The following EFCAB14 variants were observed in gnomAD, a reference collection of about 807,000 sequenced individuals.
EFCAB14 encodes EF-hand calcium-binding domain-containing protein 14.
EFCAB14 carries 43 observed loss-of-function variants against 56.5 expected under a neutral mutation model. The observed-to-expected ratio is 0.76, with a 90% CI of 0.60 to 0.98. The LOEUF (loss-of-function observed/expected upper bound fraction) is 0.98, where lower values mean the gene tolerates loss of function less well. Ranked by LOEUF, EFCAB14 falls within the 50% of genes least tolerant of loss-of-function variation. EFCAB14 has a pLI of 0.00. For missense variants in EFCAB14, 538 were observed against 580.3 expected, an observed-to-expected ratio of 0.93 and a Z score of 0.75; for synonymous variants, 235 against 212.9, an observed-to-expected ratio of 1.10 and a Z score of -0.90.
intron 5 of EFCAB14, among the ~76,000 whole-genome samples, chr1:46,689,903 TACATTAGGGA>T (rs1676963477): frequency 6.6e-6 from 1 of 152,180 alleles, no homozygotes; most frequent in African/African-American, 2.4e-5. Flanking sequence ...GCACCAAGAT[TACATTAGGGA>T]ACTGAGATCC....
intron 3 of EFCAB14, among the ~76,000 whole-genome samples, chr1:46,704,756 C>A (rs1216791692): frequency 1.3e-5 from 2 of 152,132 alleles, no homozygotes; most frequent in Non-Finnish European, 1.5e-5. Flanking sequence ...AGGAAGGAGA[C>A]TCCCTATAAC....
intron 10 of EFCAB14, among the ~76,000 whole-genome samples, chr1:46,679,944 C>T (rs138139816): frequency 1.3e-5 from 2 of 152,204 alleles, no homozygotes; most frequent in African/African-American, 4.8e-5. Context: ...TACTATGTGA[C>T]ACTTGTCTCT....
chr1:46,691,404 A>C (rs1269069526), intron 5 of EFCAB14, among the ~76,000 whole-genome samples: 1 of 152,196 alleles, frequency 6.6e-6, no homozygotes, highest in Non-Finnish European at 1.5e-5. Flanking sequence ...CCACGAGCAC[A>C]TGTTTCAGCA....
intron 3 of EFCAB14, among the ~76,000 whole-genome samples, chr1:46,704,318 A>C (rs1268023033): frequency 6.6e-6 from 1 of 151,524 alleles, no homozygotes; most frequent in Non-Finnish European, 1.5e-5. Flanking sequence ...AAAGAGAAAG[A>C]AAAAAAATTA....
rs540203892 is a variant in EFCAB14, at chr1:46,696,305, A to G, written c.579+246T>C. ...GACTCAGAGAGCCAAATAAAAAGGT[A>G]TGAACCCATATAAATCACAGCTGAG... is the stretch of plus-strand genomic sequence containing the variant. On this transcript the variant is annotated intron_variant, in intron 4 of 10. Coordinates refer to ENST00000371933, the MANE Select transcript of EFCAB14 (RefSeq NM_014774.3). Among the ~76,000 whole-genome samples, 15 of 152,298 alleles carry G rather than the reference A, an allele frequency of 9.8e-5. No homozygotes were observed. In the South Asian group the frequency reaches 3.1e-3, roughly 32 times the overall value.
chr1:46,688,692 G>C, intron 6 of EFCAB14, 148 bp from the exon 7 acceptor site: 1 of 722,370 alleles, frequency 1.4e-6, no homozygotes, highest in East Asian at 2.7e-5. Context: ...TCTTTGCTTT[G>C]TCCCTCGCAC....
At chr1:46,683,960 C>T (rs1421168286) in intron 9 of EFCAB14, among the ~76,000 whole-genome samples, 1 of 152,106 alleles carries the variant, frequency 6.6e-6, no homozygotes, top group Admixed American at 6.5e-5. Context: ...GGGAAAAGGT[C>T]AAAGCTAACA....
chr1:46,717,259 T>C lies in EFCAB14; in HGVS notation c.185+644A>G, dbSNP rs1677411268. Among the ~76,000 whole-genome samples the C allele has an allele frequency of 2.0e-5, 3 of 152,212 alleles. No individual in the cohort carries two copies. The South Asian group carries it at 6.2e-4, about 31-fold the overall frequency. On this transcript the variant is annotated intron_variant, in intron 1 of 10. Transcript: ENST00000371933. ...TCTACATCCTCAGCAGAATCCTCTTTTCTTTTAGTGTGCTCTGAGAGAGTC... is the reference window on the plus strand; with the variant it reads ...TCTACATCCTCAGCAGAATCCTCTTCTCTTTTAGTGTGCTCTGAGAGAGTC...
chr1:46,692,085 C>T, intron 4 of EFCAB14, 148 bp from the exon 5 acceptor site: 1 of 560,098 alleles, frequency 1.8e-6, no homozygotes, highest in Non-Finnish European at 3.0e-6. Context: ...AATAAACACT[C>T]ATCACCTCTG....
intron 10 of EFCAB14, among the ~76,000 whole-genome samples, chr1:46,682,990 C>G (rs952789488): frequency 6.7e-6 from 1 of 149,554 alleles, no homozygotes; most frequent in Non-Finnish European, 1.5e-5. Context: ...CCACTGCACT[C>G]CAGCCTGGGG....
chr1:46,711,270 C>T (rs183333824), intron 2 of EFCAB14, among the ~76,000 whole-genome samples: 4 of 152,350 alleles, frequency 2.6e-5, no homozygotes, highest in East Asian at 1.9e-4. Context: ...ATTTCCTATA[C>T]ATTTTCAGTT....
chr1:46,714,989 C>A (rs552346146), intron 2 of EFCAB14, among the ~76,000 whole-genome samples: 1 of 152,144 alleles, frequency 6.6e-6, no homozygotes, highest in East Asian at 1.9e-4. Flanking sequence ...TGTTGTAAGC[C>A]CTTCACGAGT....
At chr1:46,684,632 A>G (rs1329085816) in intron 8 of EFCAB14, 30 bp from the exon 9 acceptor site, 2 of 1,576,996 alleles carry the variant, frequency 1.3e-6, no homozygotes, top group Non-Finnish European at 1.7e-6. Flanking sequence ...TAGAAGGTTT[A>G]AGGTGGTAGT....
At position 46,718,124 on chromosome 1, in the gene EFCAB14, G is replaced by A; in HGVS notation, c.-37C>T. 2.5e-6 allele frequency: 4 copies of A among 1,603,980 alleles called. No homozygotes were observed. Among genetic ancestry groups the A allele is most frequent in the Non-Finnish European group, 3.4e-6 (4 of 1,173,206 alleles). On this transcript the variant is annotated 5_prime_UTR_variant, in exon 1 of 11. Transcript: ENST00000371933. Reference sequence around the variant, plus strand: ...GGGTGAGTGGAGCCCCGACTCCTGAGCTGCCAGGTTCGTACCCGATGCCCA... The same window carrying A: ...GGGTGAGTGGAGCCCCGACTCCTGAACTGCCAGGTTCGTACCCGATGCCCA...
chr1:46,685,386 C>T (rs1676864021), intron 8 of EFCAB14, among the ~76,000 whole-genome samples: 1 of 152,168 alleles, frequency 6.6e-6, no homozygotes, highest in African/African-American at 2.4e-5. Flanking sequence ...CAACTCATTA[C>T]ACATTTATTT....
chr1:46,686,606 G>A lies in EFCAB14; in HGVS notation c.1074+178C>T. The A allele has an allele frequency of 6.1e-6, 4 of 655,200 alleles. No homozygotes were observed. The South Asian group carries it at 7.2e-5, about 12-fold the overall frequency. 40.6% of individuals were successfully genotyped at this position (655,200 alleles called of 1,614,324 possible). On this transcript the variant is annotated intron_variant, in intron 8 of 10. Transcript: ENST00000371933. ...CTCCTACTAAAGTGTTTGGCACAGGGTAGGTGCCTAAAAAAGTATTCATTT... is the reference window on the plus strand; with the variant it reads ...CTCCTACTAAAGTGTTTGGCACAGGATAGGTGCCTAAAAAAGTATTCATTT...
intron 3 of EFCAB14, among the ~76,000 whole-genome samples, chr1:46,700,660 A>G (rs149131006): frequency 4.1e-4 from 63 of 152,312 alleles, no homozygotes; most frequent in African/African-American, 1.5e-3. Flanking sequence ...TATTTTAGCA[A>G]TTTCATGTCT....
intron 10 of EFCAB14, 141 bp from the exon 11 acceptor site, chr1:46,678,777 C>T (rs1676738222): frequency 2.1e-6 from 1 of 469,206 alleles, no homozygotes; most frequent in African/African-American, 2.2e-5. Context: ...TTTAGGATTT[C>T]ACTAAATCAG....
Position 46,709,604 on chromosome 1 carries a change from G to A in EFCAB14, c.335-1553C>T, listed in dbSNP as rs181744397. Among the ~76,000 whole-genome samples the A allele has an allele frequency of 7.2e-3, 1,092 of 152,308 alleles. 6 individuals carry two copies. Among genetic ancestry groups the A allele is most frequent in the Non-Finnish European group, 0.011 (762 of 68,034 alleles). ...CAGCCAGCACAGAGCCAGGTACTCAGAAGGGTTCAAATGCTTGTTCTGTGA... is the reference window on the plus strand; with the variant it reads ...CAGCCAGCACAGAGCCAGGTACTCAAAAGGGTTCAAATGCTTGTTCTGTGA... On this transcript the variant is annotated intron_variant, in intron 2 of 10. Transcript: ENST00000371933.
Sources: gnomAD v4.1 joint callset for allele counts (sites outside exome capture counted in the v4.1 genomes callset) on GRCh38, gnomAD v4.1.1 for gene constraint, MANE v1.5 for transcripts, NCBI Gene and HGNC (gene_info 2026-07-23, HGNC 2026-07-21) for gene names.